The following UBE2E1 variants were observed in gnomAD, a reference collection of about 807,000 sequenced individuals.
UBE2E1 encodes the protein ubiquitin-conjugating enzyme E2 E1.
UBE2E1 carries 6 observed loss-of-function variants against 21.4 expected under a neutral mutation model. The ratio of observed to expected loss-of-function variants is 0.28; its 90% confidence interval spans 0.15 to 0.55. UBE2E1 has a LOEUF of 0.55. Among genes scored for constraint, UBE2E1 ranks in the 20% least tolerant of loss-of-function variants. The pLI, the probability that UBE2E1 is intolerant of heterozygous loss-of-function variation, is 0.93. For missense variants in UBE2E1, 142 were observed against 236.5 expected (o/e 0.60, Z 2.62); for synonymous variants, 87 against 82.7 (o/e 1.05, Z -0.28).
chr3:23,838,790 G>A (rs1017485652), intron 3 of UBE2E1, among the ~76,000 whole-genome samples: 16 of 151,888 alleles, frequency 1.1e-4, no homozygotes, highest in Non-Finnish European at 1.8e-4. Flanking sequence ...AGCCACTACC[G>A]TGCCAGGCCT....
intron 3 of UBE2E1, among the ~76,000 whole-genome samples, chr3:23,882,758 C>T (rs537936598): frequency 1.3e-5 from 2 of 152,320 alleles, no homozygotes; most frequent in South Asian, 2.1e-4. Flanking sequence ...CCAGGCGCAC[C>T]CTCTGCAGCT....
Position 23,863,094 on chromosome 3 carries a change from T to C in UBE2E1, c.204-24473T>C, listed in dbSNP as rs1349092328. On this transcript the variant is annotated intron_variant, in intron 3 of 5. Coordinates refer to ENST00000306627, the MANE Select transcript of UBE2E1 (RefSeq NM_003341.5). The surrounding 1 kb of genome is among the most constrained non-coding windows in gnomAD (Gnocchi z 4.3). ...AAACTATTCCCAGCATTTTGCTCTCTAGTGGCAACTACTTGTACCTCCTTG... is the reference window on the plus strand; with the variant it reads ...AAACTATTCCCAGCATTTTGCTCTCCAGTGGCAACTACTTGTACCTCCTTG... 1.3e-5 allele frequency among the ~76,000 whole-genome samples: 2 copies of C among 152,122 alleles called. No individual in the cohort carries two copies. The highest frequency in any genetic ancestry group is 2.4e-5 in the African/African-American group (1 of 41,434).
At chr3:23,841,133 GC>G (rs1459998899) in intron 3 of UBE2E1, among the ~76,000 whole-genome samples, 1 of 151,696 alleles carries the variant, frequency 6.6e-6, no homozygotes, top group Non-Finnish European at 1.5e-5. Context: ...TTTTAGAGAT[GC>G]GGGTGAACTG....
chr3:23,846,621 A>C (rs1429594703), intron 3 of UBE2E1, among the ~76,000 whole-genome samples: 3 of 134,808 alleles, frequency 2.2e-5, no homozygotes, highest in African/African-American at 8.5e-5. Context: ...ACTTGAACCC[A>C]GGGGGCGGAG....
At chr3:23,839,328 G>T (rs1700036232) in intron 3 of UBE2E1, among the ~76,000 whole-genome samples, 1 of 151,958 alleles carries the variant, frequency 6.6e-6, no homozygotes, top group Non-Finnish European at 1.5e-5. Context: ...GCCGGGCATG[G>T]TGACATGCGC....
intron 3 of UBE2E1, among the ~76,000 whole-genome samples, chr3:23,877,603 G>C (rs1700943197): frequency 6.6e-6 from 1 of 152,146 alleles, no homozygotes; most frequent in African/African-American, 2.4e-5. Context: ...GGGGTAGGAG[G>C]CAAAATTACT....
At chr3:23,851,998 C>T (rs538627134) in intron 3 of UBE2E1, among the ~76,000 whole-genome samples, 1 of 152,082 alleles carries the variant, frequency 6.6e-6, no homozygotes. Context: ...TGCAAGATCT[C>T]ATTGTTTAAA....
At chr3:23,818,938 G>A (rs1199345745) in intron 3 of UBE2E1, among the ~76,000 whole-genome samples, 1 of 152,162 alleles carries the variant, frequency 6.6e-6, no homozygotes, top group African/African-American at 2.4e-5. Context: ...GAACTTAGGT[G>A]TATGTTTTGT....
chr3:23,860,662 G>T (rs1700534759), intron 3 of UBE2E1, among the ~76,000 whole-genome samples: 1 of 152,118 alleles, frequency 6.6e-6, no homozygotes, highest in African/African-American at 2.4e-5. Context: ...TATTCATTTT[G>T]CTTAAATGTG....
At position 23,810,563 on chromosome 3, in the gene UBE2E1, T is replaced by C. The variant is rs955023672; in HGVS notation, c.153-897T>C. ...GGTGGGCCGAGAGTCCCGGCCAGCG[T>C]GCGGGGCGGAGGCAGGGTCCGGTGC... On this transcript the variant is annotated intron_variant, in intron 2 of 5. Transcript: ENST00000306627. This position sits in a 1 kb window ranked among gnomAD's most constrained non-coding sequence, Gnocchi z 5.8. 19 of 1,522,620 alleles carry C rather than the reference T, an allele frequency of 1.2e-5. No individual in the cohort carries two copies. Among genetic ancestry groups the C allele is most frequent in the Non-Finnish European group, 1.7e-5 (19 of 1,138,052 alleles). The allele number at this position is 1,522,620 out of a possible 1,614,324, so 94.3% of individuals were successfully genotyped here. A position where few individuals can be genotyped will look rare whatever the true frequency, so the allele number is the denominator to read the frequency against.
chr3:23,818,499 C>T (rs1699574574), intron 3 of UBE2E1, among the ~76,000 whole-genome samples: 1 of 152,174 alleles, frequency 6.6e-6, no homozygotes, highest in Non-Finnish European at 1.5e-5. Flanking sequence ...TTCACAGCTA[C>T]AGGAGATGTT....
rs1553637704 is a variant in UBE2E1 at position 23,842,198 on chromosome 3, G to GGGGGGTGTGT, written c.203+30689_203+30690insGGGGTGTGTG. Among the ~76,000 whole-genome samples the GGGGGGTGTGT allele has an allele frequency of 1.6e-4, 17 of 104,356 alleles. No homozygotes were observed. Among genetic ancestry groups the GGGGGGTGTGT allele is most frequent in the African/African-American group, 5.8e-4 (16 of 27,700 alleles). 68.5% of individuals were successfully genotyped at this position (104,356 alleles called of 152,430 possible). On this transcript the variant is annotated intron_variant, in intron 3 of 5. Transcript: ENST00000306627. This position sits in a 1 kb window ranked among gnomAD's most constrained non-coding sequence, Gnocchi z 4.6. The stretch of plus-strand genomic sequence containing the variant: ...TATGTCATGACCCAGTAAGTGAAGG[G>GGGGGGTGTGT]GTGTGTGTGTGTGTGTGTGTGTGTG...
At chr3:23,818,312 C>G (rs574299923) in intron 3 of UBE2E1, among the ~76,000 whole-genome samples, 1 of 152,244 alleles carries the variant, frequency 6.6e-6, no homozygotes, top group South Asian at 2.1e-4. Context: ...TGCAGTTTGA[C>G]TATATATTTG....
chr3:23,879,108 A>AGTCCCTCT (rs1700980135), intron 3 of UBE2E1: 1 of 513,120 alleles, frequency 1.9e-6, no homozygotes, highest in Non-Finnish European at 3.8e-6. Context: ...TGCTGTTAGC[A>AGTCCCTCT]ACTATAAGTA....
At position 23,810,055 on chromosome 3, in the gene UBE2E1, C is replaced by T. The variant is rs562559714; in HGVS notation, c.153-1405C>T. On this transcript the variant is annotated intron_variant, in intron 2 of 5. Coordinates refer to ENST00000306627, the MANE Select transcript of UBE2E1 (RefSeq NM_003341.5). This position sits in a 1 kb window ranked among gnomAD's most constrained non-coding sequence, Gnocchi z 5.8. ...GTCGTCGTCCTTAAAACCTGTTCCT[C>T]ATTACATATAGCTCGTCCGTCCTCC... Among the ~76,000 whole-genome samples the T allele has an allele frequency of 9.2e-5, 14 of 152,332 alleles. 1 individual carries two copies. The South Asian group carries it at 1.7e-3, about 18-fold the overall frequency.
In UBE2E1 at chr3:23,810,141, G is replaced by A. The variant is rs1170540967; in HGVS notation, c.153-1319G>A. Reference sequence around the variant, plus strand: ...CTTTGTGAATTAGATTGCTCTGTGTGTGTGTTTAAAATTTTTTTAACTACA... The same window carrying A: ...CTTTGTGAATTAGATTGCTCTGTGTATGTGTTTAAAATTTTTTTAACTACA... On this transcript the variant is annotated intron_variant, in intron 2 of 5. Transcript: ENST00000306627. The surrounding 1 kb of genome is among the most constrained non-coding windows in gnomAD (Gnocchi z 5.8). Among the ~76,000 whole-genome samples, 5 of 152,286 alleles carry A rather than the reference G, an allele frequency of 3.3e-5. No individual in the cohort carries two copies. Among genetic ancestry groups the A allele is most frequent in the African/African-American group, 7.2e-5 (3 of 41,542 alleles).
Position 23,806,420 on chromosome 3 carries a change from G to A in UBE2E1, c.-34+332G>A, listed in dbSNP as rs992115143. Among the ~76,000 whole-genome samples, 1 of 151,744 alleles carries A rather than the reference G, an allele frequency of 6.6e-6. No homozygotes were observed. Among genetic ancestry groups the A allele is most frequent in the Non-Finnish European group, 1.5e-5 (1 of 67,800 alleles). ...GCGGGGGTGGGAGGGAGTTGGGGGA[G>A]CCCCGTTTTCCCCAGGGGCGGGGGT... On this transcript the variant is annotated intron_variant, in intron 1 of 5. Coordinates refer to ENST00000306627, the MANE Select transcript of UBE2E1 (RefSeq NM_003341.5). The surrounding 1 kb of genome is among the most constrained non-coding windows in gnomAD (Gnocchi z 6.5).
chr3:23,831,983 G>C (rs1699877076), intron 3 of UBE2E1, among the ~76,000 whole-genome samples: 2 of 152,194 alleles, frequency 1.3e-5, no homozygotes, highest in African/African-American at 4.8e-5. Context: ...TGAGGTTACA[G>C]ACATGAGCTA....
At chr3:23,820,990 A>C (rs1452585033) in intron 3 of UBE2E1, among the ~76,000 whole-genome samples, 1 of 152,254 alleles carries the variant, frequency 6.6e-6, no homozygotes, top group Admixed American at 6.5e-5. Context: ...GATGCAGCTC[A>C]AAAAGTCAGC....
Sources: gnomAD v4.1 joint callset for allele counts (sites outside exome capture counted in the v4.1 genomes callset) on GRCh38, gnomAD v4.1.1 for gene constraint, Gnocchi (gnomAD v3.1) non-coding constraint, MANE v1.5 for transcripts, NCBI Gene and HGNC (gene_info 2026-07-23, HGNC 2026-07-21) for gene names.